Variants in PIBF1 observed in about 807,000 individuals in gnomAD.
PIBF1 encodes progesterone-induced-blocking factor 1.
PIBF1 carries 90 observed loss-of-function variants against 112.5 expected under a neutral mutation model. The ratio of observed to expected loss-of-function variants is 0.80; its 90% CI spans 0.67 to 0.95. The LOEUF (loss-of-function observed/expected upper bound fraction) is 0.95. PIBF1 is among the 40% of genes least tolerant of loss of function. PIBF1 has a pLI of 0.00. For missense variants in PIBF1, 915 were observed against 852.3 expected (o/e 1.07, Z -0.92); for synonymous variants, 301 against 288.6 (o/e 1.04, Z -0.44).
At chr13:72,952,035 C>CTCTTTTTTTTT (rs2042312338) in intron 14 of PIBF1, among the ~76,000 whole-genome samples, 1 of 123,002 alleles carries the variant, frequency 8.1e-6, no homozygotes, top group Non-Finnish European at 1.7e-5. Context: ...TTTCTTTTCT[C>CTCTTTTTTTTT]TTTTTTTTTT....
At chr13:72,894,118 G>T (rs1262716200) in intron 11 of PIBF1, among the ~76,000 whole-genome samples, 169 bp downstream of exon 11, 1 of 142,776 alleles carries the variant, frequency 7.0e-6, no homozygotes, top group Non-Finnish European at 1.5e-5. Context: ...ATACTGAAAA[G>T]GACTAGAATT....
chr13:72,799,743 T>A (rs2035380282), intron 5 of PIBF1, among the ~76,000 whole-genome samples: 1 of 152,180 alleles, frequency 6.6e-6, no homozygotes, highest in African/African-American at 2.4e-5. Flanking sequence ...AGACAAGGTC[T>A]TAGCGTTGGT....
At position 72,821,973 on chromosome 13, in the gene PIBF1, A is replaced by G; in HGVS notation, c.797A>G (p.Lys266Arg). Residue 266 changes from lysine (K) to arginine (R), a missense_variant, in exon 6 of 18, where the codon AAA becomes AGA. Transcript: ENST00000326291. ...QGDYRQENYD[K>R]VKSERDALEQ... ...GACTACCGTCAAGAGAACTATGATA[A>G]AGTCAAGAGGTAAGTAGTTAAAATG... 1 of 1,611,146 alleles carries G rather than the reference A, an allele frequency of 6.2e-7. No individual in the cohort carries two copies. Among genetic ancestry groups the G allele is most frequent in the Non-Finnish European group, 8.5e-7 (1 of 1,178,694 alleles).
At chr13:72,870,206 A>G (rs1427372118) in intron 10 of PIBF1, among the ~76,000 whole-genome samples, 1 of 152,204 alleles carries the variant, frequency 6.6e-6, no homozygotes, top group Non-Finnish European at 1.5e-5. Context: ...AGCCCATTCT[A>G]TGAACTGTTC....
chr13:72,930,367 A>G (rs2041661267), intron 13 of PIBF1, among the ~76,000 whole-genome samples: 1 of 152,214 alleles, frequency 6.6e-6, no homozygotes. Flanking sequence ...AAAATATGAT[A>G]AATATGAAAA....
chr13:72,921,177 A>C (rs1050228457), intron 13 of PIBF1, among the ~76,000 whole-genome samples: 2 of 152,056 alleles, frequency 1.3e-5, no homozygotes, highest in Non-Finnish European at 2.9e-5. Flanking sequence ...ATCTCGGCTC[A>C]CTATAACCTC....
At chr13:72,784,619 G>A (rs994155643) in intron 2 of PIBF1, among the ~76,000 whole-genome samples, 3 of 151,540 alleles carry the variant, frequency 2.0e-5, no homozygotes, top group African/African-American at 4.8e-5. Flanking sequence ...ATAGCCCCGC[G>A]TAGTGGTGCT....
chr13:72,948,587 C>G (rs2042211317), intron 14 of PIBF1, among the ~76,000 whole-genome samples: 2 of 152,202 alleles, frequency 1.3e-5, no homozygotes, highest in African/African-American at 4.8e-5. Flanking sequence ...AGTATCTTCA[C>G]ATCAGTGCCC....
Position 72,795,521 on chromosome 13 carries a change from T to C in PIBF1, c.516T>C (p.Phe172=). The change falls in exon 4 of 18, where the codon TTT becomes TTC. Residue 172 remains phenylalanine, a synonymous_variant. Transcript: ENST00000326291. The part of the protein sequence containing the change: ...TEEQYIKLKA[F]PEDQLSIPEY... ...AGCAATATATTAAATTAAAAGCTTT[T>C]CCTGAAGATCAGCTTTCTATTCCTG... The C allele has an allele frequency of 6.3e-7, 1 of 1,599,374 alleles. No homozygotes were observed. Among genetic ancestry groups the C allele is most frequent in the East Asian group, 2.2e-5 (1 of 44,678 alleles).
Position 72,998,925 on chromosome 13 carries a change from A to G in PIBF1, c.2153A>G (p.Gln718Arg). Residue 718 changes from glutamine to arginine, a missense_variant, in exon 17 of 18, where the codon CAG becomes CGG. Transcript: ENST00000326291. ...KTEPKHVTEN[Q>R]KSKTLNVPKE... ...GAACCAAAACATGTGACAGAAAATC[A>G]GAAATCAAAGACTTTGAATGTGCCT... 1 of 1,612,270 alleles carries G rather than the reference A, an allele frequency of 6.2e-7. No homozygotes were observed. The highest frequency in any genetic ancestry group is 1.1e-5 in the South Asian group (1 of 90,998).
At chr13:72,805,217 A>G (rs1484473594) in intron 5 of PIBF1, among the ~76,000 whole-genome samples, 1 of 152,118 alleles carries the variant, frequency 6.6e-6, no homozygotes, top group Non-Finnish European at 1.5e-5. Context: ...ATCTCGGTTC[A>G]CTGCAAGCTC....
intron 2 of PIBF1, among the ~76,000 whole-genome samples, chr13:72,787,383 T>A (rs138364592): frequency 1.7e-3 from 255 of 152,326 alleles, no homozygotes; most frequent in African/African-American, 5.9e-3. Context: ...TACACCCCAC[T>A]GAATTTTGTC....
At chr13:72,931,718 G>GTATATA (rs3077704) in intron 14 of PIBF1, among the ~76,000 whole-genome samples, 1,700 of 101,916 alleles carry the variant, frequency 0.017, 80 homozygotes, top group African/African-American at 0.043. Context: ...TTTAAACTAC[G>GTATATA]TATATATATA....
chr13:72,952,892 A>AG (rs1201916337), intron 14 of PIBF1, among the ~76,000 whole-genome samples: 1 of 151,208 alleles, frequency 6.6e-6, no homozygotes, highest in East Asian at 1.9e-4. Flanking sequence ...CCTTAAGAAA[A>AG]AAAAAAAAAA....
chr13:72,849,966 GGTAAACA>G (rs1191067432), intron 9 of PIBF1, among the ~76,000 whole-genome samples: 2 of 152,188 alleles, frequency 1.3e-5, no homozygotes, highest in Non-Finnish European at 2.9e-5. Context: ...TCTGGCACAT[GGTAAACA>G]GTATGCTATT....
chr13:72,976,982 G>A (rs953190546), intron 16 of PIBF1, among the ~76,000 whole-genome samples: 2 of 152,068 alleles, frequency 1.3e-5, no homozygotes, highest in Admixed American at 1.3e-4. Flanking sequence ...ACGGCCCCTG[G>A]GAGCCACTGC....
intron 8 of PIBF1, among the ~76,000 whole-genome samples, chr13:72,833,144 G>A (rs1426091960): frequency 6.6e-6 from 1 of 152,074 alleles, no homozygotes; most frequent in Non-Finnish European, 1.5e-5. Context: ...TCTCTACACT[G>A]GTTATTCTAG....
At chr13:72,895,695 T>C (rs2040253498) in intron 11 of PIBF1, among the ~76,000 whole-genome samples, 2 of 138,636 alleles carry the variant, frequency 1.4e-5, no homozygotes, top group Non-Finnish European at 1.6e-5. Context: ...CTGGACATTA[T>C]GGTAATCTGT....
intron 16 of PIBF1, among the ~76,000 whole-genome samples, chr13:72,990,611 G>A (rs2043447814): frequency 6.6e-6 from 1 of 151,642 alleles, no homozygotes; most frequent in South Asian, 2.1e-4. Context: ...ACTTTGGAAG[G>A]CCAAGGTGGG....
Sources: allele counts gnomAD v4.1 joint callset (sites outside exome capture counted in the v4.1 genomes callset), GRCh38; gene constraint gnomAD v4.1.1; transcripts MANE v1.5; gene names NCBI Gene and HGNC (gene_info 2026-07-23, HGNC 2026-07-21).